The following ADCY7 variants were observed in gnomAD, a reference collection of about 807,000 sequenced individuals.
ADCY7 encodes the protein adenylate cyclase 7.
Under a neutral mutation model 120.6 loss-of-function variants are expected in ADCY7, and 72 were observed. The ratio of observed to expected loss-of-function variants is 0.60; its 90% CI spans 0.49 to 0.73. The LOEUF is 0.73. Among genes scored for constraint, ADCY7 ranks in the 30% least tolerant of loss-of-function variants. The probability of loss-of-function intolerance (pLI) is 0.00; values close to 1 mark genes in which losing one functional copy is unlikely to be tolerated. For missense variants in ADCY7, 1,227 were observed against 1,486.0 expected, an observed-to-expected ratio of 0.83 and a Z score of 2.87; for synonymous variants, 661 against 628.0, an observed-to-expected ratio of 1.05 and a Z score of -0.78.
intron 2 of ADCY7, 126 bp downstream of exon 2, chr16:50,288,476 T>C (rs2034723660): frequency 1.7e-6 from 2 of 1,165,796 alleles, no homozygotes; most frequent in South Asian, 1.7e-5. Context: ...GTTTGTTTTG[T>C]TTTGTTTTTG....
intron 1 of ADCY7, among the ~76,000 whole-genome samples, chr16:50,287,514 G>A (rs543338751): frequency 2.6e-5 from 4 of 151,660 alleles, no homozygotes; most frequent in East Asian, 3.9e-4. Context: ...AGGGGGAGAC[G>A]CCCATCTCTA....
chr16:50,283,452 G>A (rs944736927), intron 1 of ADCY7, among the ~76,000 whole-genome samples: 6 of 152,228 alleles, frequency 3.9e-5, no homozygotes, highest in Non-Finnish European at 2.9e-5. Context: ...GTCAGCAGAA[G>A]TCCAAAGAGA....
At position 50,287,970 on chromosome 16, in the gene ADCY7, C is replaced by T; in HGVS notation, c.-210C>T. The T allele has an allele frequency of 2.0e-6, 1 of 498,576 alleles. No individual in the cohort carries two copies. The highest frequency in any genetic ancestry group is 3.4e-5 in the East Asian group (1 of 29,170). The allele number at this position is 498,576 out of a possible 1,614,324, so 30.9% of individuals were successfully genotyped here. A position where few individuals can be genotyped will look rare whatever the true frequency, so the allele number is the denominator to read the frequency against. On this transcript the variant is annotated 5_prime_UTR_variant, in exon 2 of 26. Coordinates refer to ENST00000673801, the MANE Select transcript of ADCY7 (RefSeq NM_001114.5). ...TGGATGCACAGGAGGATGCTGGCGG[C>T]ACAGTGAGTGAGGCCTGGTGCCAGA...
chr16:50,301,167 T>C lies in ADCY7; in HGVS notation c.1321T>C (p.Tyr441His), dbSNP rs779585614. 8 of 1,612,200 alleles carry C rather than the reference T, an allele frequency of 5.0e-6. No homozygotes were observed. The South Asian group carries it at 8.8e-5, about 18-fold the overall frequency. ...EDGHGQQRDP[Y>H]LKEMNIRTYL... ...TGGGCACGGGCAGCAGCGGGACCCC[T>C]ACCTCAAGGAGATGAACATCCGCAC... Residue 441 changes from tyrosine to histidine, a missense_variant, in exon 10 of 26, where the codon TAC (tyrosine) becomes CAC (histidine). By Grantham distance (83) the Tyr-to-His change is moderately conservative (BLOSUM62 2). Around this residue, in one of 5 missense-constraint regions of ADCY7, gnomAD observed 332 missense variants for 455.8 expected, o/e 0.73. Transcript: ENST00000673801.
rs768945103 is a variant in ADCY7 at position 50,311,813 on chromosome 16, C to A, written c.2448+27C>A. On this transcript the variant is annotated intron_variant, in intron 20 of 25. Coordinates refer to ENST00000673801, the MANE Select transcript of ADCY7 (RefSeq NM_001114.5). ...TAAGGAGGCTGGCCCCCCCCCCCCCCCCAAGCTCTGCCCACTTTTCCTCAC... is the reference window on the plus strand; with the variant it reads ...TAAGGAGGCTGGCCCCCCCCCCCCCACCAAGCTCTGCCCACTTTTCCTCAC... 347 of 1,314,924 alleles carry A rather than the reference C, an allele frequency of 2.6e-4. 9 individuals are homozygous for A. The highest frequency in any genetic ancestry group is 4.5e-4 in the East Asian group (16 of 35,640). 81.5% of individuals were successfully genotyped at this position (1,314,924 alleles called of 1,614,324 possible).
At chr16:50,290,808 G>A in intron 3 of ADCY7, 148 bp downstream of exon 3, 1 of 839,422 alleles carries the variant, frequency 1.2e-6, no homozygotes, top group Non-Finnish European at 1.8e-6. Flanking sequence ...TGAGTTCTCT[G>A]CATTGACAGG....
intron 2 of ADCY7, among the ~76,000 whole-genome samples, chr16:50,288,668 G>A (rs1319842110): frequency 1.3e-5 from 2 of 151,936 alleles, no homozygotes; most frequent in Non-Finnish European, 2.9e-5. Flanking sequence ...AGTAGAGATG[G>A]GCTTTCACCA....
At chr16:50,308,992 C>T (rs1282297801) in intron 17 of ADCY7, 200 bp downstream of exon 17, 8 of 554,204 alleles carry the variant, frequency 1.4e-5, no homozygotes, top group Non-Finnish European at 2.4e-5. Context: ...GCCCAGAGAG[C>T]TTGTGTGGCC....
intron 14 of ADCY7, among the ~76,000 whole-genome samples, 190 bp from the exon 15 acceptor site, chr16:50,306,860 A>G (rs909715669): frequency 2.6e-5 from 4 of 152,168 alleles, no homozygotes; most frequent in Non-Finnish European, 5.9e-5. Flanking sequence ...GGGACTCACT[A>G]TGTTGCCCAG....
chr16:50,293,100 C>T (rs565924987), intron 5 of ADCY7, among the ~76,000 whole-genome samples: 51 of 152,318 alleles, frequency 3.3e-4, no homozygotes, highest in African/African-American at 1.2e-3. Context: ...TCAGCTTAGC[C>T]TCCCCAGCTG....
chr16:50,301,007 G>A, intron 9 of ADCY7, 75 bp from the exon 10 acceptor site: 1 of 1,571,018 alleles, frequency 6.4e-7, no homozygotes, highest in Non-Finnish European at 8.6e-7. Flanking sequence ...GCCCAGGCCT[G>A]CCTGCTGTGC....
intron 1 of ADCY7, among the ~76,000 whole-genome samples, chr16:50,255,121 A>C (rs2032870361): frequency 3.1e-5 from 1 of 31,760 alleles, no homozygotes; most frequent in Admixed American, 3.9e-4. Context: ...CCTTGTCTCT[A>C]CAAAAAAAAA....
rs1315368365 is a variant in ADCY7 at position 50,317,859 on chromosome 16, T to C, written c.*2354T>C. 6.6e-6 allele frequency: 1 copy of C among 152,152 alleles called. No homozygotes were observed. The highest frequency in any genetic ancestry group is 2.4e-5 in the African/African-American group (1 of 41,380). The allele number at this position is 152,152 out of a possible 1,614,324, so 9.4% of individuals were successfully genotyped here. A position where few individuals can be genotyped will look rare whatever the true frequency, so the allele number is the denominator to read the frequency against. ...CCTGAGTTAACTTTTGTGAAAATAATACCTAAGGTTTTCTGGCTTATTGAG... is the reference window on the plus strand; with the variant it reads ...CCTGAGTTAACTTTTGTGAAAATAACACCTAAGGTTTTCTGGCTTATTGAG... On this transcript the variant is annotated 3_prime_UTR_variant, in exon 26 of 26. Coordinates refer to ENST00000673801, the MANE Select transcript of ADCY7 (RefSeq NM_001114.5).
Position 50,313,335 on chromosome 16 carries a change from G to A in ADCY7, c.2751+299G>A, listed in dbSNP as rs148949889. ...CTTGGGAGGCTGAGGCAGGAGAATCGCTTGAACCTGGGAGGCGGTTGCAGT... is the reference window on the plus strand; with the variant it reads ...CTTGGGAGGCTGAGGCAGGAGAATCACTTGAACCTGGGAGGCGGTTGCAGT... On this transcript the variant is annotated intron_variant, in intron 22 of 25. Coordinates refer to ENST00000673801, the MANE Select transcript of ADCY7 (RefSeq NM_001114.5). 392 of 298,956 alleles carry A rather than the reference G, an allele frequency of 1.3e-3. 4 individuals carry two copies. The East Asian group carries it at 0.027, about 20-fold the overall frequency. 18.5% of individuals were successfully genotyped at this position (298,956 alleles called of 1,614,324 possible). A position where few individuals can be genotyped will look rare whatever the true frequency, so the allele number is the denominator to read the frequency against.
chr16:50,271,266 G>A (rs745673931), intron 1 of ADCY7, among the ~76,000 whole-genome samples: 26 of 152,118 alleles, frequency 1.7e-4, no homozygotes, highest in Non-Finnish European at 3.4e-4. Flanking sequence ...TATTTTGACA[G>A]GGTCTGGCTC....
chr16:50,249,844 G>T (rs2032702129), intron 1 of ADCY7, among the ~76,000 whole-genome samples: 1 of 152,232 alleles, frequency 6.6e-6, no homozygotes, highest in East Asian at 1.9e-4. Flanking sequence ...GCACAGGAGG[G>T]TGCTCCTTCA....
At chr16:50,265,489 G>T (rs2033178731), upstream of ADCY7, among the ~76,000 whole-genome samples, 1 of 152,224 alleles carries the variant, frequency 6.6e-6, no homozygotes, top group Non-Finnish European at 1.5e-5. Context: ...ATCAGTATGT[G>T]TGGGATGTCT....
intron 1 of ADCY7, among the ~76,000 whole-genome samples, chr16:50,286,284 C>T (rs1300685872): frequency 1.3e-5 from 2 of 149,900 alleles, no homozygotes; most frequent in Non-Finnish European, 3.0e-5. Context: ...GTAATTCTCC[C>T]ACCTTAGCCT....
intron 24 of ADCY7, 67 bp downstream of exon 24, chr16:50,314,473 GC>G: frequency 6.0e-6 from 7 of 1,158,200 alleles, no homozygotes; most frequent in Non-Finnish European, 9.0e-6. Flanking sequence ...AGTCTGTGTG[GC>G]ACAGCTGCAC....
Sources: allele counts gnomAD v4.1 joint callset (sites outside exome capture counted in the v4.1 genomes callset), GRCh38; gene constraint gnomAD v4.1.1; regional missense constraint gnomAD v4.1.1; transcripts MANE v1.5; gene names NCBI Gene and HGNC (gene_info 2026-07-23, HGNC 2026-07-21).